The following SLC38A12 variants were observed in gnomAD, a reference collection of about 807,000 sequenced individuals.
The protein encoded by SLC38A12 is putative sodium-coupled neutral amino acid transporter 12.
At chr17:74,826,408 G>T in the SLC38A12 span, among the ~76,000 whole-genome samples, 1 of 152,194 alleles carries the variant, frequency 6.6e-6, no homozygotes, top group Non-Finnish European at 1.5e-5. Flanking sequence ...GCTTGTTTCA[G>T]CACTCTCCTC....
the SLC38A12 span, among the ~76,000 whole-genome samples, chr17:74,792,570 A>G: frequency 6.6e-6 from 1 of 152,224 alleles, no homozygotes; most frequent in Non-Finnish European, 1.5e-5. Context: ...CTGTCTTCGA[A>G]GATTTTCTGC....
the SLC38A12 span, chr17:74,794,972 C>A: frequency 6.5e-7 from 1 of 1,528,152 alleles, no homozygotes; most frequent in South Asian, 1.2e-5. Context: ...ATGCAGACAT[C>A]TCTTTGTGGC....
chr17:74,785,702 A>T, the SLC38A12 span: 3 of 1,470,128 alleles, frequency 2.0e-6, no homozygotes, highest in African/African-American at 2.8e-5. Context: ...GGGTGGGAAG[A>T]CACCTGTCTA....
At chr17:74,783,992 G>T in the SLC38A12 span, among the ~76,000 whole-genome samples, 1 of 150,712 alleles carries the variant, frequency 6.6e-6, no homozygotes, top group Non-Finnish European at 1.5e-5. Flanking sequence ...CTCCCAAAGT[G>T]CCAGGATTAC....
the SLC38A12 span, chr17:74,785,589 C>G: frequency 6.2e-7 from 1 of 1,613,852 alleles, no homozygotes. Flanking sequence ...TGCTGGTGTT[C>G]CTGGGCTTCA....
At chr17:74,839,118 C>A in the SLC38A12 span, 16 of 1,530,468 alleles carry the variant, frequency 1.0e-5, no homozygotes, top group South Asian at 1.8e-4. Flanking sequence ...GAGCCTCATG[C>A]CAGCAGCTCC....
At chr17:74,836,497 A>G in the SLC38A12 span, 8 of 1,611,804 alleles carry the variant, frequency 5.0e-6, no homozygotes, top group Non-Finnish European at 5.9e-6. This position sits in a 1 kb window ranked among gnomAD's most constrained non-coding sequence, Gnocchi z 4.2. Flanking sequence ...ACCGGCATCC[A>G]GTACGTCATC....
the SLC38A12 span, among the ~76,000 whole-genome samples, chr17:74,820,005 A>T: frequency 6.6e-6 from 1 of 152,172 alleles, no homozygotes; most frequent in Non-Finnish European, 1.5e-5. Context: ...AAGGATAAGG[A>T]GGGGGCTGAA....
At chr17:74,814,242 TC>T in the SLC38A12 span, among the ~76,000 whole-genome samples, 1 of 149,904 alleles carries the variant, frequency 6.7e-6, no homozygotes, top group Non-Finnish European at 1.5e-5. Flanking sequence ...AAGCCGGGCA[TC>T]CCAGGCCCCC....
chr17:74,837,574 C>A, the SLC38A12 span: 2 of 985,492 alleles, frequency 2.0e-6, no homozygotes, highest in Non-Finnish European at 2.4e-6. Context: ...GAGGTTCCCA[C>A]CCTGACAATG....
the SLC38A12 span, among the ~76,000 whole-genome samples, chr17:74,815,525 C>G: frequency 6.6e-6 from 1 of 152,170 alleles, no homozygotes; most frequent in African/African-American, 2.4e-5. Context: ...TACTTTTGTG[C>G]TCTAATGTTG....
chr17:74,822,307 C>T, the SLC38A12 span, among the ~76,000 whole-genome samples: 2 of 152,206 alleles, frequency 1.3e-5, no homozygotes, highest in African/African-American at 2.4e-5. Context: ...TCAGGCTCAC[C>T]GTAGACTTGG....
chr17:74,815,039 G>A, the SLC38A12 span, among the ~76,000 whole-genome samples: 3 of 152,210 alleles, frequency 2.0e-5, no homozygotes, highest in African/African-American at 7.2e-5. Context: ...GCAGGAGGGT[G>A]AAGGCATGAG....
chr17:74,804,679 G>A, the SLC38A12 span, among the ~76,000 whole-genome samples: 1 of 152,246 alleles, frequency 6.6e-6, no homozygotes, highest in African/African-American at 2.4e-5. Context: ...CGCAGGGCAT[G>A]TGTAGTTTGG....
the SLC38A12 span, among the ~76,000 whole-genome samples, chr17:74,811,166 C>T: frequency 6.6e-6 from 1 of 151,866 alleles, no homozygotes; most frequent in Non-Finnish European, 1.5e-5. Context: ...CCTGTCTCTA[C>T]AAAAAATACA....
At chr17:74,790,558 C>T in the SLC38A12 span, among the ~76,000 whole-genome samples, 1 of 152,100 alleles carries the variant, frequency 6.6e-6, no homozygotes, top group Non-Finnish European at 1.5e-5. Flanking sequence ...CCCCATACCC[C>T]TTCCTGTTAC....
At chr17:74,809,147 G>C in the SLC38A12 span, among the ~76,000 whole-genome samples, 5 of 152,194 alleles carry the variant, frequency 3.3e-5, no homozygotes, top group African/African-American at 1.2e-4. Flanking sequence ...CATTTACGTA[G>C]GGGTACGGGG....
the SLC38A12 span, chr17:74,795,691 T>C: frequency 3.7e-5 from 49 of 1,319,894 alleles, no homozygotes; most frequent in Non-Finnish European, 5.2e-5. Flanking sequence ...CTGAGGGCAT[T>C]TGAAGTGCCT....
chr17:74,804,120 G>A, the SLC38A12 span, among the ~76,000 whole-genome samples: 1 of 152,240 alleles, frequency 6.6e-6, no homozygotes, highest in African/African-American at 2.4e-5. Flanking sequence ...ATTTGTGGTG[G>A]CCCTGCCAAG....
Sources: gnomAD v4.1 joint callset for allele counts (sites outside exome capture counted in the v4.1 genomes callset) on GRCh38, gnomAD v4.1.1 for gene constraint, Gnocchi (gnomAD v3.1) non-coding constraint, MANE v1.5 for transcripts, NCBI Gene and HGNC (gene_info 2026-07-23, HGNC 2026-07-21) for gene names.